PIN1: variants seen among roughly 807,000 people sequenced by gnomAD.
The protein encoded by PIN1 is peptidylprolyl cis/trans isomerase, NIMA-interacting 1, also known as peptidyl-prolyl cis-trans isomerase NIMA-interacting 1.
A neutral mutation model predicts 19.9 loss-of-function variants in PIN1; 8 were observed. The ratio of observed to expected loss-of-function variants is 0.40; its 90% CI spans 0.24 to 0.72. The LOEUF (loss-of-function observed/expected upper bound fraction) is 0.72. Among genes scored for constraint, PIN1 ranks in the 30% least tolerant of loss-of-function variants. The pLI is 0.37. For missense variants in PIN1, 185 were observed against 226.5 expected (o/e 0.82, Z 1.18); for synonymous variants, 86 against 90.8 (o/e 0.95, Z 0.30).
intron 2 of PIN1, among the ~76,000 whole-genome samples, chr19:9,842,982 G>A (rs2046183472): frequency 6.6e-6 from 1 of 152,248 alleles, no homozygotes; most frequent in African/African-American, 2.4e-5. Flanking sequence ...TTTCTGCTGA[G>A]GCTCCTTTTC....
intron 1 of PIN1, chr19:9,835,660 C>T (rs1409813948): frequency 6.4e-6 from 3 of 466,288 alleles, no homozygotes; most frequent in East Asian, 3.7e-5. Flanking sequence ...GGCCCTGGCC[C>T]TGCCGGCCCG....
Position 9,838,603 on chromosome 19 carries a change from G to C in PIN1, c.226G>C (p.Glu76Gln), listed in dbSNP as rs1441249455. Reference protein sequence around the residue: ...QSRRPSSWRQEKITRTKEEAL... With the variant: ...QSRRPSSWRQQKITRTKEEAL... ...ACGGCGGCCCTCGTCCTGGCGGCAG[G>C]AGAAGATCACCCGGACCAAGGAGGA... Residue 76 changes from glutamate to glutamine, a missense_variant, in exon 2 of 4, where the codon GAG becomes CAG. By Grantham distance (29) the Glu-to-Gln change is conservative. Transcript: ENST00000247970. This position sits in a 1 kb window ranked among gnomAD's most constrained non-coding sequence, Gnocchi z 5.8. The C allele has an allele frequency of 2.6e-6, 4 of 1,553,882 alleles. No homozygotes were observed. Among genetic ancestry groups the C allele is most frequent in the Non-Finnish European group, 3.5e-6 (4 of 1,149,636 alleles).
intron 2 of PIN1, among the ~76,000 whole-genome samples, chr19:9,847,342 G>A (rs1193539701): frequency 1.3e-5 from 2 of 152,178 alleles, no homozygotes; most frequent in African/African-American, 4.8e-5. Flanking sequence ...GGCTAGTTTG[G>A]GCCACACAGG....
intron 1 of PIN1, chr19:9,837,991 A>T (rs1430955947): frequency 3.8e-6 from 1 of 264,032 alleles, no homozygotes; most frequent in Non-Finnish European, 7.5e-6. Flanking sequence ...TAAGGTAGGA[A>T]CTGTTATCTC....
chr19:9,849,040 G>T (rs1568362452), intron 3 of PIN1, 50 bp from the exon 4 acceptor site: 5 of 1,247,018 alleles, frequency 4.0e-6, no homozygotes, highest in Non-Finnish European at 5.9e-6. Flanking sequence ...CCTCATCCTG[G>T]CCTCTGCCAG....
chr19:9,843,991 A>G (rs1239887024), intron 2 of PIN1, among the ~76,000 whole-genome samples: 3 of 152,132 alleles, frequency 2.0e-5, no homozygotes, highest in East Asian at 3.9e-4. Context: ...CAGAGGTCAC[A>G]GTGAGCCGAG....
chr19:9,837,191 T>A (rs1449951962), intron 1 of PIN1: 5 of 253,608 alleles, frequency 2.0e-5, no homozygotes, highest in Non-Finnish European at 3.2e-5. Flanking sequence ...TCTCACTCTG[T>A]CACCCAGGCT....
intron 1 of PIN1, chr19:9,836,068 A>C (rs28460179): frequency 6.6e-6 from 1 of 152,120 alleles, no homozygotes; most frequent in Non-Finnish European, 1.5e-5. Context: ...AACTGAAGGA[A>C]CTCGTCCAAG....
At chr19:9,839,370 C>A (rs1282357296) in intron 2 of PIN1, among the ~76,000 whole-genome samples, 1 of 149,590 alleles carries the variant, frequency 6.7e-6, no homozygotes, top group Admixed American at 6.7e-5. Context: ...GAGCCGAGAT[C>A]GCACCACTCC....
rs2046137035 is a variant in PIN1 at position 9,838,723 on chromosome 19, C to T, written c.271+75C>T. ...GCCTTTGTAGAAGTCACATCAGACC[C>T]TTCACCCCAGCTTGCTCAGCTGCCA... On this transcript the variant is annotated intron_variant, in intron 2 of 3. Transcript: ENST00000247970. This position sits in a 1 kb window ranked among gnomAD's most constrained non-coding sequence, Gnocchi z 5.8. 1.6e-6 allele frequency: 2 copies of T among 1,234,714 alleles called. No homozygotes were observed. The highest frequency in any genetic ancestry group is 2.7e-5 in the South Asian group (2 of 73,864). The allele number at this position is 1,234,714 out of a possible 1,614,324, so 76.5% of individuals were successfully genotyped here.
intron 1 of PIN1, chr19:9,835,806 A>G (rs1317945941): frequency 4.5e-6 from 1 of 222,450 alleles, no homozygotes; most frequent in Non-Finnish European, 8.7e-6. Flanking sequence ...CCTCGGGTCC[A>G]CAACCTACCC....
At chr19:9,847,982 C>T (rs368178295) in intron 2 of PIN1, 48 bp from the exon 3 acceptor site, 6 of 1,214,902 alleles carry the variant, frequency 4.9e-6, no homozygotes, top group Non-Finnish European at 7.3e-6. Flanking sequence ...CTGGTCAGGC[C>T]CCCCCCAACC....
rs58093619 is a variant in PIN1 at position 9,845,377 on chromosome 19, TTTTG to T, written c.272-2624_272-2621del. On this transcript the variant is annotated intron_variant, in intron 2 of 3. Transcript: ENST00000247970. ...CTCCCAGTTTCAAGAGAAAGCGTTT[TTTTG>T]TTTGTTTGTTTGTTTGTTTGTTTGT... Among the ~76,000 whole-genome samples the T allele has an allele frequency of 5.0e-3, 241 of 48,524 alleles. 6 individuals carry two copies. The highest frequency in any genetic ancestry group is 8.1e-3 in the African/African-American group (149 of 18,452). 31.8% of individuals were successfully genotyped at this position (48,524 alleles called of 152,430 possible). A position where few individuals can be genotyped will look rare whatever the true frequency, so the allele number is the denominator to read the frequency against.
intron 2 of PIN1, among the ~76,000 whole-genome samples, chr19:9,847,433 C>A (rs958354482): frequency 1.8e-4 from 27 of 152,192 alleles, no homozygotes; most frequent in Non-Finnish European, 4.4e-5. Context: ...GCCTCTGGGA[C>A]CCTGGGGCTA....
At position 9,849,304 on chromosome 19, in the gene PIN1, G is replaced by A. The variant is rs767268378; in HGVS notation, c.*105G>A. 5.2e-5 allele frequency: 40 copies of A among 769,888 alleles called. No homozygotes were observed. The highest frequency in any genetic ancestry group is 2.4e-4 in the East Asian group (9 of 37,600). The allele number at this position is 769,888 out of a possible 1,614,324, so 47.7% of individuals were successfully genotyped here. A position where few individuals can be genotyped will look rare whatever the true frequency, so the allele number is the denominator to read the frequency against. On this transcript the variant is annotated 3_prime_UTR_variant, in exon 4 of 4. Transcript: ENST00000247970. ...GCCGAACCCCCCACTCCCTGCCACC[G>A]TCACACAGTATTTATTGTTCCCACA...
At chr19:9,843,948 G>T (rs1435367439) in intron 2 of PIN1, among the ~76,000 whole-genome samples, 3 of 152,122 alleles carry the variant, frequency 2.0e-5, no homozygotes, top group Non-Finnish European at 4.4e-5. Context: ...TACTCAGGAG[G>T]CTGAGGCAGG....
At chr19:9,839,380 C>T (rs147637134) in intron 2 of PIN1, among the ~76,000 whole-genome samples, 1 of 149,964 alleles carries the variant, frequency 6.7e-6, no homozygotes, top group Non-Finnish European at 1.5e-5. Flanking sequence ...CGCACCACTC[C>T]ACTCCAGCCT....
At chr19:9,847,612 C>T (rs988707821) in intron 2 of PIN1, among the ~76,000 whole-genome samples, 3 of 152,208 alleles carry the variant, frequency 2.0e-5, no homozygotes, top group East Asian at 3.9e-4. Context: ...GGGGGCCAGC[C>T]CCCTGCCTGG....
chr19:9,847,700 G>A (rs1280079314), intron 2 of PIN1, among the ~76,000 whole-genome samples: 2 of 117,542 alleles, frequency 1.7e-5, no homozygotes, highest in African/African-American at 2.6e-5. Context: ...GTGTGTGTGT[G>A]TGTGCATGTG....
Sources: gnomAD v4.1 joint callset for allele counts (sites outside exome capture counted in the v4.1 genomes callset) on GRCh38, gnomAD v4.1.1 for gene constraint, Gnocchi (gnomAD v3.1) non-coding constraint, MANE v1.5 for transcripts, NCBI Gene and HGNC (gene_info 2026-07-23, HGNC 2026-07-21) for gene names.